Variants in COL25A1 observed in about 807,000 individuals in gnomAD.
COL25A1 encodes the protein collagen type XXV alpha 1 chain.
COL25A1 carries 103 observed loss-of-function variants against 128.4 expected under a neutral mutation model. The ratio of observed to expected loss-of-function variants is 0.80; its 90% CI spans 0.68 to 0.94. The LOEUF (loss-of-function observed/expected upper bound fraction) is 0.94, where lower values mean the gene tolerates loss of function less well. Among genes scored for constraint, COL25A1 ranks in the 40% least tolerant of loss-of-function variants. COL25A1 has a pLI of 0.00. For synonymous variants in COL25A1, 279 were observed against 277.2 expected (o/e 1.01, Z -0.06); for missense variants, 745 against 840.0 (o/e 0.89, Z 1.40).
intron 3 of COL25A1, among the ~76,000 whole-genome samples, chr4:109,055,807 C>T (rs1761401497): frequency 6.6e-6 from 1 of 152,166 alleles, no homozygotes; most frequent in Non-Finnish European, 1.5e-5. Flanking sequence ...TTATTTCATA[C>T]TATTATGGCA....
intron 6 of COL25A1, among the ~76,000 whole-genome samples, chr4:108,997,864 T>C (rs1248827923): frequency 3.3e-5 from 5 of 152,030 alleles, no homozygotes; most frequent in African/African-American, 1.2e-4. Context: ...ACAGAACCAA[T>C]GACAAAAACC....
At chr4:108,937,494 T>C (rs1747564431) in intron 11 of COL25A1, among the ~76,000 whole-genome samples, 1 of 152,168 alleles carries the variant, frequency 6.6e-6, no homozygotes, top group Non-Finnish European at 1.5e-5. Flanking sequence ...TCTATTTCTA[T>C]TTAAGCTAAT....
At chr4:108,945,871 C>T (rs113005658) in intron 8 of COL25A1, among the ~76,000 whole-genome samples, 3 of 151,984 alleles carry the variant, frequency 2.0e-5, no homozygotes, top group Non-Finnish European at 4.4e-5. Context: ...CACCATGTTG[C>T]CCAGGCTGGT....
chr4:109,092,407 C>T lies in COL25A1; in HGVS notation c.368-42228G>A, dbSNP rs116937371. ...GGCTGAGGTGAGAGGATTGCTTGAG[C>T]CCAGGAGTCTGAGGCTGGCTGCAGT... On this transcript the variant is annotated intron_variant, in intron 3 of 37. Transcript: ENST00000399132. Among the ~76,000 whole-genome samples the T allele has an allele frequency of 9.8e-4, 149 of 152,278 alleles. 3 individuals carry two copies. The East Asian group carries it at 0.027, about 27-fold the overall frequency.
chr4:109,224,412 C>A (rs1407385948), intron 3 of COL25A1, among the ~76,000 whole-genome samples: 1 of 151,996 alleles, frequency 6.6e-6, no homozygotes, highest in Non-Finnish European at 1.5e-5. Context: ...CTTCTAAGTT[C>A]GGGCATATAT....
chr4:108,825,129 G>C, intron 34 of COL25A1, 67 bp downstream of exon 34: 1 of 1,271,258 alleles, frequency 7.9e-7, no homozygotes, highest in Non-Finnish European at 1.1e-6. Flanking sequence ...TATTCTTTTT[G>C]TTATCGATGA....
chr4:109,047,888 A>T (rs552598949), intron 5 of COL25A1, among the ~76,000 whole-genome samples: 2 of 151,768 alleles, frequency 1.3e-5, no homozygotes, highest in Non-Finnish European at 2.9e-5. Flanking sequence ...GCCCACCAAC[A>T]TGTCCAGCTA....
chr4:109,254,286 G>A (rs1780892924), intron 3 of COL25A1, among the ~76,000 whole-genome samples: 1 of 150,546 alleles, frequency 6.6e-6, no homozygotes, highest in Non-Finnish European at 1.5e-5. Context: ...AATCCTATGA[G>A]GAAGGTAGAG....
chr4:109,241,031 C>T (rs1340518803), intron 3 of COL25A1, among the ~76,000 whole-genome samples: 1 of 152,056 alleles, frequency 6.6e-6, no homozygotes, highest in Non-Finnish European at 1.5e-5. Flanking sequence ...CAGAACACTA[C>T]ACAATGCCTC....
intron 3 of COL25A1, among the ~76,000 whole-genome samples, chr4:109,100,548 C>A (rs4391118): frequency 0.23 from 35,382 of 151,738 alleles, 5,364 homozygotes; most frequent in African/African-American, 0.41. Flanking sequence ...AAGGAGAATT[C>A]ATTTTTTCAT....
intron 3 of COL25A1, among the ~76,000 whole-genome samples, chr4:109,127,514 T>C (rs1768734334): frequency 6.6e-6 from 1 of 152,070 alleles, no homozygotes; most frequent in Non-Finnish European, 1.5e-5. Context: ...TTTAAATAGA[T>C]ACAGGGTCTC....
Position 108,884,193 on chromosome 4 carries a change from T to TCCAGGAAGC in COL25A1, c.996_1004dup (p.Leu336_Gly338dup). The TCCAGGAAGC allele has an allele frequency of 2.5e-6, 4 of 1,613,800 alleles. No homozygotes were observed. The highest frequency in any genetic ancestry group is 1.1e-5 in the South Asian group (1 of 91,060). ...CAGTATTTACCTTTATCCCCGGAAG[T>TCCAGGAAGC]CCAGGAAGCCCAGGAAGCCCTGGTT... On this transcript the variant is annotated inframe_insertion, in exon 19 of 38. Transcript: ENST00000399132.
chr4:108,942,600 C>T (rs1376521708), intron 8 of COL25A1, among the ~76,000 whole-genome samples: 6 of 152,102 alleles, frequency 3.9e-5, no homozygotes, highest in African/African-American at 7.2e-5. Context: ...TGTGCCACCA[C>T]GCCCAGCTAA....
At chr4:108,896,611 C>T (rs543284103) in intron 16 of COL25A1, 56 bp downstream of exon 16, 1 of 1,466,806 alleles carries the variant, frequency 6.8e-7, no homozygotes, top group East Asian at 2.3e-5. Flanking sequence ...TCTTCATAAA[C>T]TTGAAGTATA....
intron 6 of COL25A1, among the ~76,000 whole-genome samples, chr4:109,001,393 G>GGTAGGCATCTGAGATCCTGTCAA (rs1755371748): frequency 6.6e-6 from 1 of 152,194 alleles, no homozygotes; most frequent in African/African-American, 2.4e-5. Flanking sequence ...GATCCTGTCA[G>GGTAGGCATCTGAGATCCTGTCAA]GTAGGCATCT....
intron 3 of COL25A1, among the ~76,000 whole-genome samples, chr4:109,122,712 T>C (rs960135974): frequency 1.3e-5 from 2 of 152,092 alleles, no homozygotes; most frequent in Non-Finnish European, 2.9e-5. Flanking sequence ...TTTGGAGCTG[T>C]GAATGTTATC....
At chr4:109,197,503 T>TATTATATATAATATA (rs1560851426) in intron 3 of COL25A1, among the ~76,000 whole-genome samples, 24 of 127,376 alleles carry the variant, frequency 1.9e-4, no homozygotes, top group Non-Finnish European at 3.0e-4. Flanking sequence ...TAAATATATA[T>TATTATATATAATATA]TATATAATAT....
intron 3 of COL25A1, among the ~76,000 whole-genome samples, chr4:109,093,472 A>AAAAAAAAAAAAAAAAAAC (rs765991576): frequency 4.8e-5 from 7 of 145,538 alleles, no homozygotes; most frequent in African/African-American, 1.3e-4. Context: ...AAAAAAAAAA[A>AAAAAAAAAAAAAAAAAAC]AAAACCTTTT....
At chr4:108,944,997 A>G (rs1399969300) in intron 8 of COL25A1, among the ~76,000 whole-genome samples, 1 of 152,174 alleles carries the variant, frequency 6.6e-6, no homozygotes, top group Non-Finnish European at 1.5e-5. Flanking sequence ...TTATATTCTA[A>G]CAAAAATCCC....
Sources: gnomAD v4.1 joint callset for allele counts (sites outside exome capture counted in the v4.1 genomes callset) on GRCh38, gnomAD v4.1.1 for gene constraint, MANE v1.5 for transcripts, NCBI Gene and HGNC (gene_info 2026-07-23, HGNC 2026-07-21) for gene names.